CACNA1D: variants seen among roughly 807,000 people sequenced by gnomAD.
The protein encoded by CACNA1D is calcium voltage-gated channel subunit alpha1 D, also known as voltage-dependent L-type calcium channel subunit alpha-1D.
A neutral mutation model predicts 257.1 loss-of-function variants in CACNA1D; 55 were observed. That is an observed-to-expected ratio of 0.21 (90% CI 0.17 to 0.27). The LOEUF (loss-of-function observed/expected upper bound fraction) is 0.27. Among genes scored for constraint, CACNA1D ranks in the 10% least tolerant of loss-of-function variants. CACNA1D has a pLI of 1.00. For synonymous variants in CACNA1D, 980 were observed against 1,014.9 expected (o/e 0.97, Z 0.65); for missense variants, 1,876 against 2,784.0 (o/e 0.67, Z 7.34).
intron 3 of CACNA1D, among the ~76,000 whole-genome samples, chr3:53,557,985 T>A (rs2092676617): frequency 1.3e-5 from 2 of 152,240 alleles, no homozygotes; most frequent in South Asian, 4.1e-4. Context: ...TTCCTGAACA[T>A]GATATCCTTC....
At chr3:53,542,729 A>G (rs2092325139) in intron 3 of CACNA1D, among the ~76,000 whole-genome samples, 1 of 152,144 alleles carries the variant, frequency 6.6e-6, no homozygotes, top group Non-Finnish European at 1.5e-5. Flanking sequence ...CTTCTCCACT[A>G]AATACAAATC....
chr3:53,597,829 A>G (rs2093389962), intron 3 of CACNA1D, among the ~76,000 whole-genome samples: 1 of 152,340 alleles, frequency 6.6e-6, no homozygotes, highest in South Asian at 2.1e-4. Flanking sequence ...TGAGGCCTGA[A>G]TGTGCATTTG....
rs913756496 is a variant in CACNA1D at position 53,673,185 on chromosome 3, A to T, written c.1220+59A>T. On this transcript the variant is annotated intron_variant, in intron 8 of 47. Coordinates refer to ENST00000350061, the MANE Select transcript of CACNA1D (RefSeq NM_001128840.3). The surrounding 1 kb of genome is among the most constrained non-coding windows in gnomAD (Gnocchi z 4.1). ...TCCTGAGGACAGTTGCCAAGACCAC[A>T]CAAGCTTTGCTGGATGAGGGCCGCC... 2.2e-5 allele frequency: 27 copies of T among 1,209,920 alleles called. No individual in the cohort carries two copies. The highest frequency in any genetic ancestry group is 3.1e-5 in the Non-Finnish European group (26 of 838,122). The allele number at this position is 1,209,920 out of a possible 1,614,324, so 74.9% of individuals were successfully genotyped here. A position where few individuals can be genotyped will look rare whatever the true frequency, so the allele number is the denominator to read the frequency against.
intron 39 of CACNA1D, among the ~76,000 whole-genome samples, chr3:53,784,914 A>G (rs1435334543): frequency 3.9e-5 from 6 of 152,164 alleles, no homozygotes; most frequent in Non-Finnish European, 5.9e-5. Flanking sequence ...CTCAAGGAGC[A>G]CACTGTCCTG....
intron 10 of CACNA1D, 94 bp from the exon 11 acceptor site, chr3:53,719,661 T>C (rs904124927): frequency 7.0e-6 from 8 of 1,136,632 alleles, no homozygotes; most frequent in African/African-American, 4.6e-5. Context: ...CCAGGCTGTA[T>C]GCATGGCTTT....
intron 3 of CACNA1D, among the ~76,000 whole-genome samples, chr3:53,517,123 T>A (rs1279368821): frequency 6.6e-6 from 1 of 152,364 alleles, no homozygotes; most frequent in East Asian, 1.9e-4. Context: ...TATATACACA[T>A]GGGCGGCATC....
At position 53,774,274 on chromosome 3, in the gene CACNA1D, G is replaced by A. The variant is rs1468775291; in HGVS notation, c.4111-313G>A. 1 of 362,220 alleles carries A rather than the reference G, an allele frequency of 2.8e-6. No individual in the cohort carries two copies. Among genetic ancestry groups the A allele is most frequent in the Non-Finnish European group, 5.2e-6 (1 of 191,516 alleles). The allele number at this position is 362,220 out of a possible 1,614,324, so 22.4% of individuals were successfully genotyped here. ...CCTTCAGTAGATGAGCCTGTCTCAC[G>A]CTTCCCTGTGTGTCTGGACCACCCC... is the stretch of plus-strand genomic sequence containing the variant. On this transcript the variant is annotated intron_variant, in intron 33 of 47. Transcript: ENST00000350061. The surrounding 1 kb of genome is among the most constrained non-coding windows in gnomAD (Gnocchi z 4.3).
intron 8 of CACNA1D, 121 bp from the exon 9 acceptor site, chr3:53,702,520 A>C (rs2108589653): frequency 1.1e-6 from 1 of 899,822 alleles, no homozygotes; most frequent in East Asian, 2.4e-5. Flanking sequence ...TGCTGTGCTC[A>C]TGTGACTATA....
chr3:53,501,176 G>A (rs538906258), intron 2 of CACNA1D, among the ~76,000 whole-genome samples: 11 of 152,316 alleles, frequency 7.2e-5, no homozygotes, highest in Admixed American at 3.3e-4. Flanking sequence ...TGAGAAAATG[G>A]CTCTAACACA....
chr3:53,794,012 C>G (rs1175320737), intron 40 of CACNA1D, among the ~76,000 whole-genome samples: 2 of 152,172 alleles, frequency 1.3e-5, no homozygotes. Flanking sequence ...TAGGGAGGCT[C>G]TTCTCAAATA....
intron 3 of CACNA1D, among the ~76,000 whole-genome samples, chr3:53,586,410 C>A (rs979261494): frequency 1.3e-5 from 2 of 151,476 alleles, no homozygotes; most frequent in South Asian, 4.2e-4. Context: ...TGGTTTTCCT[C>A]ATTCTCTTCG....
chr3:53,788,249 G>A (rs2095466293), intron 40 of CACNA1D, among the ~76,000 whole-genome samples: 1 of 152,188 alleles, frequency 6.6e-6, no homozygotes, highest in Non-Finnish European at 1.5e-5. Context: ...GCTCTACCCA[G>A]ACAGCTACAG....
chr3:53,762,264 G>A (rs1181960995), intron 30 of CACNA1D, among the ~76,000 whole-genome samples, 183 bp downstream of exon 30: 1 of 152,234 alleles, frequency 6.6e-6, no homozygotes, highest in East Asian at 1.9e-4. Flanking sequence ...CCTTATCCCA[G>A]GGCCTTTTGT....
At chr3:53,623,074 C>G (rs1224380740) in intron 3 of CACNA1D, among the ~76,000 whole-genome samples, 1 of 152,084 alleles carries the variant, frequency 6.6e-6, no homozygotes, top group Non-Finnish European at 1.5e-5. Context: ...TGTATTTTTA[C>G]TAGGGACGGG....
chr3:53,654,295 A>T (rs2094127689), intron 4 of CACNA1D, among the ~76,000 whole-genome samples: 1 of 152,230 alleles, frequency 6.6e-6, no homozygotes, highest in Non-Finnish European at 1.5e-5. Flanking sequence ...ACATATACAG[A>T]TATTTCTCCC....
chr3:53,811,493 G>A lies in CACNA1D; in HGVS notation c.*87G>A. 9.1e-7 allele frequency: 1 copy of A among 1,093,052 alleles called. No individual in the cohort carries two copies. The highest frequency in any genetic ancestry group is 1.3e-6 in the Non-Finnish European group (1 of 775,134). 67.7% of individuals were successfully genotyped at this position (1,093,052 alleles called of 1,614,324 possible). A position where few individuals can be genotyped will look rare whatever the true frequency, so the allele number is the denominator to read the frequency against. Reference sequence around the variant, plus strand: ...GTGCCTCATAGTTAGGAAAGTTTAGGCACTAGTTGGGAGTAATATTCAATT... The same window carrying A: ...GTGCCTCATAGTTAGGAAAGTTTAGACACTAGTTGGGAGTAATATTCAATT... On this transcript the variant is annotated 3_prime_UTR_variant, in exon 48 of 48. Transcript: ENST00000350061. This position sits in a 1 kb window ranked among gnomAD's most constrained non-coding sequence, Gnocchi z 4.2.
rs538996336 is a variant in CACNA1D, at chr3:53,538,141, G to GTTTTTTTTTTTTTTTTT, written c.483+36431_483+36447dup. Among the ~76,000 whole-genome samples, 10 of 90,466 alleles carry GTTTTTTTTTTTTTTTTT rather than the reference G, an allele frequency of 1.1e-4. 1 individual carries two copies. The highest frequency in any genetic ancestry group is 6.0e-4 in the African/African-American group (10 of 16,674). The allele number at this position is 90,466 out of a possible 152,430, so 59.3% of individuals were successfully genotyped here. ...TTCTCCATATTTACCAGTTTTTGAA[G>GTTTTTTTTTTTTTTTTT]TTTTTTTTTTTTTTTTTTTTTTTTT... On this transcript the variant is annotated intron_variant, in intron 3 of 47. Transcript: ENST00000350061.
chr3:53,516,653 T>C (rs987758735), intron 3 of CACNA1D, among the ~76,000 whole-genome samples: 6 of 152,192 alleles, frequency 3.9e-5, no homozygotes, highest in Non-Finnish European at 7.4e-5. Flanking sequence ...TGTGGCCACA[T>C]TGATGGCTTC....
chr3:53,665,806 G>A lies in CACNA1D; in HGVS notation c.913G>A (p.Asp305Asn), dbSNP rs1398776637. The A allele has an allele frequency of 6.2e-7, 1 of 1,612,260 alleles. No individual in the cohort carries two copies. The highest frequency in any genetic ancestry group is 8.5e-7 in the Non-Finnish European group (1 of 1,178,876). The change falls in exon 6 of 48, where the codon GAC (aspartate) becomes AAC (asparagine). Residue 305 changes from aspartate to asparagine, a missense_variant. Coordinates refer to ENST00000350061, the MANE Select transcript of CACNA1D (RefSeq NM_001128840.3). ...GKMHKTCFFA[D>N]SDIVAEEDPA... ...AATGCACAAAACATGTTTTTTTGCT[G>A]ACTCAGGTGAGTAATGAGAATTGTA...
Sources: allele counts gnomAD v4.1 joint callset (sites outside exome capture counted in the v4.1 genomes callset), GRCh38; gene constraint gnomAD v4.1.1; non-coding constraint Gnocchi (gnomAD v3.1); transcripts MANE v1.5; gene names NCBI Gene and HGNC (gene_info 2026-07-23, HGNC 2026-07-21).